The following MYO1B variants were observed in gnomAD, a reference collection of about 807,000 sequenced individuals.
MYO1B encodes myosin IB.
MYO1B carries 72 observed loss-of-function variants against 159.7 expected under a neutral mutation model. The ratio of observed to expected loss-of-function variants is 0.45; its 90% CI spans 0.37 to 0.55. The LOEUF (loss-of-function observed/expected upper bound fraction) is 0.55, where lower values mean the gene tolerates loss of function less well. Ranked by LOEUF, MYO1B falls within the 20% of genes least tolerant of loss-of-function variation. MYO1B has a pLI of 0.00. For missense variants in MYO1B, 1,062 were observed against 1,364.8 expected (o/e 0.78, Z 3.50); for synonymous variants, 468 against 473.8 (o/e 0.99, Z 0.16).
intron 1 of MYO1B, chr2:191,263,602 A>G (rs1686952006): frequency 6.6e-6 from 1 of 152,362 alleles, no homozygotes; most frequent in Non-Finnish European, 1.5e-5. Flanking sequence ...TCGGGTTTCT[A>G]CAAGGTAGTT....
rs1034520169 is a variant in MYO1B at position 191,402,500 on chromosome 2, T to C, written c.2470-132T>C. ...CCAATTCTTTGGGTTTAAATTGTTA[T>C]GCACTGTTCCTCTGTCATTCTGAAA... On this transcript the variant is annotated intron_variant, in intron 23 of 30. Coordinates refer to ENST00000392318, the MANE Select transcript of MYO1B (RefSeq NM_001130158.3). 25 of 758,394 alleles carry C rather than the reference T, an allele frequency of 3.3e-5. No homozygotes were observed. In the East Asian group the frequency reaches 5.6e-4, roughly 17 times the overall value. The allele number at this position is 758,394 out of a possible 1,614,324, so 47.0% of individuals were successfully genotyped here. A position where few individuals can be genotyped will look rare whatever the true frequency, so the allele number is the denominator to read the frequency against.
chr2:191,308,237 A>G (rs1689773217), intron 3 of MYO1B, among the ~76,000 whole-genome samples: 2 of 152,188 alleles, frequency 1.3e-5, no homozygotes, highest in Admixed American at 1.3e-4. Flanking sequence ...AGGCTTTAGG[A>G]GCCCTGTGTC....
intron 1 of MYO1B, among the ~76,000 whole-genome samples, chr2:191,267,667 G>A (rs755663917): frequency 5.9e-5 from 9 of 152,234 alleles, no homozygotes; most frequent in Non-Finnish European, 1.0e-4. Flanking sequence ...AGGGAGCCCT[G>A]CAGGGCACCC....
intron 1 of MYO1B, among the ~76,000 whole-genome samples, chr2:191,270,574 C>G (rs578220350): frequency 4.6e-5 from 7 of 152,274 alleles, no homozygotes; most frequent in African/African-American, 1.7e-4. Flanking sequence ...TAACCCCTCT[C>G]AGAGAGATGA....
chr2:191,349,616 T>A (rs1315254721), intron 6 of MYO1B, among the ~76,000 whole-genome samples: 1 of 152,242 alleles, frequency 6.6e-6, no homozygotes, highest in Admixed American at 6.5e-5. Context: ...ATTGCTATTA[T>A]AATCTGGGTG....
chr2:191,304,173 G>A (rs755254948), intron 3 of MYO1B, among the ~76,000 whole-genome samples: 8 of 152,182 alleles, frequency 5.3e-5, no homozygotes, highest in African/African-American at 1.7e-4. Context: ...ATCTCTGGGC[G>A]TCGCACCTAA....
intron 6 of MYO1B, among the ~76,000 whole-genome samples, chr2:191,346,703 A>C (rs887202295): frequency 1.3e-5 from 2 of 152,212 alleles, no homozygotes; most frequent in African/African-American, 4.8e-5. Flanking sequence ...TTTTAAAATT[A>C]ATAGAGGTAA....
At chr2:191,258,825 A>T (rs1686618832) in intron 1 of MYO1B, among the ~76,000 whole-genome samples, 1 of 152,228 alleles carries the variant, frequency 6.6e-6, no homozygotes, top group African/African-American at 2.4e-5. Context: ...GCCCAGTCTT[A>T]ATACTTAGCA....
At chr2:191,377,443 T>G (rs780470958) in intron 13 of MYO1B, 4 of 152,194 alleles carry the variant, frequency 2.6e-5, no homozygotes, top group Non-Finnish European at 5.9e-5. Context: ...CTTCCTCTTC[T>G]GGAGACTTTG....
chr2:191,361,165 TAG>T (rs1309684744), intron 8 of MYO1B, among the ~76,000 whole-genome samples: 1 of 152,192 alleles, frequency 6.6e-6, no homozygotes, highest in Non-Finnish European at 1.5e-5. Context: ...TTTCAGCAGC[TAG>T]AACTGCCTCA....
intron 1 of MYO1B, among the ~76,000 whole-genome samples, chr2:191,258,442 A>G (rs1458004932): frequency 6.6e-6 from 1 of 152,218 alleles, no homozygotes; most frequent in African/African-American, 2.4e-5. Context: ...ACGTTACTGT[A>G]CACTGCTGTA....
intron 3 of MYO1B, among the ~76,000 whole-genome samples, chr2:191,310,609 C>T (rs569357073): frequency 8.5e-5 from 13 of 152,252 alleles, no homozygotes; most frequent in South Asian, 2.1e-4. Flanking sequence ...GAAAGGGAAA[C>T]GGTATTAGAG....
At chr2:191,250,799 C>T (rs952569214) in intron 1 of MYO1B, among the ~76,000 whole-genome samples, 6 of 152,136 alleles carry the variant, frequency 3.9e-5, no homozygotes, top group Non-Finnish European at 8.8e-5. Context: ...TCCAGAACAA[C>T]GAAGTGCCAC....
At chr2:191,324,085 G>T (rs137885872) in intron 3 of MYO1B, among the ~76,000 whole-genome samples, 22 of 152,106 alleles carry the variant, frequency 1.4e-4, no homozygotes, top group African/African-American at 4.6e-4. Flanking sequence ...AGTTGTTGTT[G>T]TATGGTATGT....
intron 3 of MYO1B, among the ~76,000 whole-genome samples, chr2:191,310,322 C>A (rs1257445933): frequency 1.3e-5 from 2 of 152,210 alleles, no homozygotes; most frequent in African/African-American, 4.8e-5. Flanking sequence ...TGTGCCTCAG[C>A]CACCTGAGTA....
At chr2:191,293,376 A>C (rs1024086139) in intron 2 of MYO1B, among the ~76,000 whole-genome samples, 1 of 152,222 alleles carries the variant, frequency 6.6e-6, no homozygotes, top group Non-Finnish European at 1.5e-5. Flanking sequence ...AAGGAGTCCC[A>C]ATCCAGACCA....
At chr2:191,307,024 G>A (rs572387599) in intron 3 of MYO1B, among the ~76,000 whole-genome samples, 2 of 152,298 alleles carry the variant, frequency 1.3e-5, no homozygotes, top group African/African-American at 4.8e-5. Flanking sequence ...ATAATTCGAG[G>A]TGAATCCACA....
chr2:191,352,622 A>G (rs1434803122), intron 7 of MYO1B, among the ~76,000 whole-genome samples: 1 of 152,200 alleles, frequency 6.6e-6, no homozygotes, highest in Non-Finnish European at 1.5e-5. Context: ...TGGAGTTCAT[A>G]TGGTGTTTGT....
At chr2:191,323,073 T>C (rs1270291251) in intron 3 of MYO1B, among the ~76,000 whole-genome samples, 1 of 152,200 alleles carries the variant, frequency 6.6e-6, no homozygotes, top group Non-Finnish European at 1.5e-5. Flanking sequence ...GTAGGGTAAC[T>C]TCCAGATGTT....
Sources: gnomAD v4.1 joint callset for allele counts (sites outside exome capture counted in the v4.1 genomes callset) on GRCh38, gnomAD v4.1.1 for gene constraint, MANE v1.5 for transcripts, NCBI Gene and HGNC (gene_info 2026-07-23, HGNC 2026-07-21) for gene names.